The following CTNND2 variants were observed in gnomAD, a reference collection of about 807,000 sequenced individuals.
CTNND2 encodes catenin delta 2.
Under a neutral mutation model 144.4 loss-of-function variants are expected in CTNND2, and 22 were observed. That is an observed-to-expected ratio of 0.15 (90% CI 0.11 to 0.22). The LOEUF (loss-of-function observed/expected upper bound fraction) is 0.22. Ranked by LOEUF, CTNND2 falls within the 10% of genes least tolerant of loss-of-function variation. The pLI is 1.00. For synonymous variants in CTNND2, 751 were observed against 695.6 expected (o/e 1.08, Z -1.25); for missense variants, 1,353 against 1,618.8 (o/e 0.84, Z 2.82).
intron 3 of CTNND2, among the ~76,000 whole-genome samples, chr5:11,507,639 C>A (rs559324940): frequency 2.0e-5 from 3 of 152,318 alleles, no homozygotes; most frequent in Admixed American, 6.5e-5. Context: ...ATTTCCTCCA[C>A]GGGTTTCCTC....
intron 7 of CTNND2, among the ~76,000 whole-genome samples, chr5:11,380,978 A>T (rs1758425866): frequency 6.6e-6 from 1 of 152,168 alleles, no homozygotes; most frequent in African/African-American, 2.4e-5. Flanking sequence ...AACTACTCCC[A>T]GACCACCCGG....
chr5:11,741,111 C>G (rs772187305), intron 1 of CTNND2, among the ~76,000 whole-genome samples: 1 of 152,176 alleles, frequency 6.6e-6, no homozygotes, highest in Non-Finnish European at 1.5e-5. Context: ...TGCTTTTACA[C>G]TGTTGGTGGG....
At chr5:11,240,504 A>AC (rs1742215674) in intron 9 of CTNND2, among the ~76,000 whole-genome samples, 1 of 124,180 alleles carries the variant, frequency 8.1e-6, no homozygotes, top group Non-Finnish European at 1.6e-5. Flanking sequence ...CAACACACAC[A>AC]CCCAACACAC....
chr5:11,818,273 A>T (rs572786132), intron 1 of CTNND2, among the ~76,000 whole-genome samples: 2 of 151,982 alleles, frequency 1.3e-5, no homozygotes, highest in Non-Finnish European at 2.9e-5. Context: ...AAATGCATCA[A>T]CTCATATAGC....
At chr5:11,191,831 A>G (rs879353949) in intron 11 of CTNND2, among the ~76,000 whole-genome samples, 1 of 152,122 alleles carries the variant, frequency 6.6e-6, no homozygotes, top group Admixed American at 6.5e-5. Context: ...AGCGAGAGGC[A>G]AAAGAGGGGT....
At chr5:11,539,149 G>GTGCT (rs1774489315) in intron 3 of CTNND2, among the ~76,000 whole-genome samples, 1 of 152,162 alleles carries the variant, frequency 6.6e-6, no homozygotes, top group African/African-American at 2.4e-5. Flanking sequence ...CACTCTCCAT[G>GTGCT]TGCTCCCCAA....
At position 11,088,487 on chromosome 5, in the gene CTNND2, G is replaced by T. The variant is rs186229287; in HGVS notation, c.2638-5641C>A. On this transcript the variant is annotated intron_variant, in intron 15 of 21. Coordinates refer to ENST00000304623, the MANE Select transcript of CTNND2 (RefSeq NM_001332.4). ...TTCTAAGTTAATAGGCACTAAGTCA[G>T]AAAACTTTTCATCTACATATTTTTT... Among the ~76,000 whole-genome samples, 17 of 152,330 alleles carry T rather than the reference G, an allele frequency of 1.1e-4. No individual in the cohort carries two copies. In the East Asian group the frequency reaches 3.3e-3, roughly 29 times the overall value.
At chr5:11,354,788 T>C (rs572583543) in intron 8 of CTNND2, among the ~76,000 whole-genome samples, 1 of 152,276 alleles carries the variant, frequency 6.6e-6, no homozygotes, top group South Asian at 2.1e-4. Context: ...ATCCAACAGC[T>C]TCAGAATACA....
chr5:11,085,951 A>C (rs1313658999), intron 15 of CTNND2, among the ~76,000 whole-genome samples: 2 of 152,154 alleles, frequency 1.3e-5, no homozygotes, highest in Non-Finnish European at 2.9e-5. Context: ...ACCATCCCAG[A>C]ATGGCAGCCA....
chr5:11,812,477 C>T (rs1240672498), intron 1 of CTNND2, among the ~76,000 whole-genome samples: 1 of 152,120 alleles, frequency 6.6e-6, no homozygotes, highest in Non-Finnish European at 1.5e-5. Context: ...CTGTGGAGTT[C>T]TCCCAGCATC....
intron 1 of CTNND2, among the ~76,000 whole-genome samples, chr5:11,865,904 A>AAAAAAAAAAC (rs1191286801): frequency 2.7e-5 from 4 of 148,908 alleles, no homozygotes; most frequent in Non-Finnish European, 6.0e-5. Flanking sequence ...GGAAGAGACA[A>AAAAAAAAAAC]AAAAAAAAAA....
At chr5:11,569,588 C>A (rs892007503) in intron 2 of CTNND2, among the ~76,000 whole-genome samples, 3 of 152,068 alleles carry the variant, frequency 2.0e-5, no homozygotes, top group Non-Finnish European at 2.9e-5. Context: ...AGTATGAAAA[C>A]TGAAATCAGA....
chr5:11,462,958 C>G (rs999690291), intron 3 of CTNND2, among the ~76,000 whole-genome samples: 1 of 152,164 alleles, frequency 6.6e-6, no homozygotes, highest in Non-Finnish European at 1.5e-5. Context: ...CCTCAGTCTT[C>G]ATATCAAATG....
At chr5:11,291,949 T>TA (rs897965980) in intron 9 of CTNND2, among the ~76,000 whole-genome samples, 29 of 149,374 alleles carry the variant, frequency 1.9e-4, no homozygotes, top group South Asian at 4.2e-4. Flanking sequence ...TCCCTAAATT[T>TA]AAAAAAAAAA....
chr5:11,828,749 T>A (rs1367764254), intron 1 of CTNND2, among the ~76,000 whole-genome samples: 1 of 151,876 alleles, frequency 6.6e-6, no homozygotes, highest in Non-Finnish European at 1.5e-5. Flanking sequence ...ACTAACACAG[T>A]AAATTGGTAC....
chr5:11,741,688 T>C (rs537318210), intron 1 of CTNND2, among the ~76,000 whole-genome samples: 361 of 151,496 alleles, frequency 2.4e-3, no homozygotes, highest in African/African-American at 7.9e-3. Context: ...CTGCACGTTG[T>C]ACACATGTAC....
chr5:11,236,415 G>A (rs1345659124), intron 10 of CTNND2, among the ~76,000 whole-genome samples: 2 of 152,156 alleles, frequency 1.3e-5, no homozygotes, highest in Admixed American at 6.5e-5. Context: ...GACAAATCAC[G>A]TTCCAAGTAT....
At chr5:11,168,554 G>A (rs1759577829) in intron 11 of CTNND2, among the ~76,000 whole-genome samples, 1 of 152,136 alleles carries the variant, frequency 6.6e-6, no homozygotes, top group South Asian at 2.1e-4. Context: ...GACCTTGGGT[G>A]TGCAAGAACT....
rs1384118319 is a variant in CTNND2 at position 11,385,244 on chromosome 5, G to C, written c.613-15C>G. The C allele has an allele frequency of 9.4e-7, 1 of 1,060,280 alleles. No homozygotes were observed. Among genetic ancestry groups the C allele is most frequent in the East Asian group, 6.5e-5 (1 of 15,414 alleles). 65.7% of individuals were successfully genotyped at this position (1,060,280 alleles called of 1,614,324 possible). ...CTGGTCGTGCCCTGTGCCCGGGAGA[G>C]GAGAGAACACGCGCACTTAGCGAGG... On this transcript the variant is annotated splice_polypyrimidine_tract_variant and intron_variant, in intron 6 of 21. Coordinates refer to ENST00000304623, the MANE Select transcript of CTNND2 (RefSeq NM_001332.4).
Sources: gnomAD v4.1 joint callset for allele counts (sites outside exome capture counted in the v4.1 genomes callset) on GRCh38, gnomAD v4.1.1 for gene constraint, MANE v1.5 for transcripts, NCBI Gene and HGNC (gene_info 2026-07-23, HGNC 2026-07-21) for gene names.